The following CACNA1H variants were observed in gnomAD, a reference collection of about 807,000 sequenced individuals.
CACNA1H encodes the protein calcium voltage-gated channel subunit alpha1 H, also known as voltage-dependent T-type calcium channel subunit alpha-1H.
CACNA1H carries 149 observed loss-of-function variants against 192.5 expected under a neutral mutation model. The observed-to-expected ratio is 0.77, with a 90% CI of 0.68 to 0.89. The LOEUF is 0.89. Ranked by LOEUF, CACNA1H falls within the 40% of genes least tolerant of loss-of-function variation. The pLI is 0.00. For missense variants in CACNA1H, 4,257 were observed against 3,423.5 expected (o/e 1.24, Z -6.08); for synonymous variants, 2,202 against 1,475.2 (o/e 1.49, Z -11.29).
chr16:1,166,691 C>T (rs946538460), intron 2 of CACNA1H, among the ~76,000 whole-genome samples: 6 of 152,132 alleles, frequency 3.9e-5, no homozygotes, highest in African/African-American at 9.7e-5. Context: ...TGGGATCCCA[C>T]GTGGTGTGGA....
intron 3 of CACNA1H, 109 bp from the exon 4 acceptor site, chr16:1,195,323 G>A: frequency 7.0e-7 from 1 of 1,423,568 alleles, no homozygotes; most frequent in Non-Finnish European, 9.5e-7. Flanking sequence ...GGCAGGGGCG[G>A]GGCGAGGGGT....
chr16:1,187,222 C>T (rs967729304), intron 2 of CACNA1H, among the ~76,000 whole-genome samples: 16 of 152,344 alleles, frequency 1.1e-4, no homozygotes, highest in African/African-American at 2.2e-4. Flanking sequence ...AGGCGGCCAG[C>T]GCCGCGTGGG....
chr16:1,173,186 A>C (rs2151717035), intron 2 of CACNA1H, among the ~76,000 whole-genome samples: 1 of 152,208 alleles, frequency 6.6e-6, no homozygotes, highest in South Asian at 2.1e-4. Flanking sequence ...GGTGTCCAAA[A>C]GGCCGAGGCT....
In CACNA1H at chr16:1,220,729, T is replaced by G; in HGVS notation, c.6797T>G (p.Phe2266Cys). The G allele has an allele frequency of 6.2e-7, 1 of 1,612,176 alleles. No individual in the cohort carries two copies. The highest frequency in any genetic ancestry group is 8.5e-7 in the Non-Finnish European group (1 of 1,179,646). Residue 2266 changes from phenylalanine to cysteine, a missense_variant, in exon 35 of 35, where the codon TTT becomes TGT. By Grantham distance (205) the Phe-to-Cys change is radical (BLOSUM62 -2). Transcript: ENST00000348261. ...GCTGAGCACCTGACCGTCCCCAGCTTTGCCTTTGAGCCGCTGGACCTCGGG... is the reference window on the plus strand; with the variant it reads ...GCTGAGCACCTGACCGTCCCCAGCTGTGCCTTTGAGCCGCTGGACCTCGGG... ...CRAEHLTVPS[F>C]AFEPLDLGVP...
chr16:1,166,879 G>GC (rs1221766909), intron 2 of CACNA1H, among the ~76,000 whole-genome samples: 3 of 152,200 alleles, frequency 2.0e-5, no homozygotes, highest in African/African-American at 7.2e-5. Context: ...GCGCTGCCGG[G>GC]CCGTCCCTGC....
chr16:1,175,262 T>A (rs1461896665), intron 2 of CACNA1H, among the ~76,000 whole-genome samples: 1 of 152,128 alleles, frequency 6.6e-6, no homozygotes, highest in Non-Finnish European at 1.5e-5. Context: ...TGTGTGTAGG[T>A]GTGCCTACCA....
intron 8 of CACNA1H, 149 bp downstream of exon 8, chr16:1,200,957 G>A: frequency 3.0e-6 from 2 of 675,362 alleles, no homozygotes; most frequent in South Asian, 3.4e-5. Context: ...TGCGGGGGTG[G>A]GGAGGTGTGG....
intron 2 of CACNA1H, among the ~76,000 whole-genome samples, chr16:1,162,767 A>G (rs1963351557): frequency 1.3e-5 from 2 of 152,040 alleles, no homozygotes; most frequent in Middle Eastern, 3.4e-3. Flanking sequence ...TGACGCTGGG[A>G]GGACAGTGTC....
chr16:1,165,778 C>T (rs1009800857), intron 2 of CACNA1H, among the ~76,000 whole-genome samples: 3 of 152,224 alleles, frequency 2.0e-5, no homozygotes, highest in Non-Finnish European at 4.4e-5. Context: ...CTGGCCACCT[C>T]ACGTTCCCCA....
chr16:1,187,238 G>T (rs1966163835), intron 2 of CACNA1H, among the ~76,000 whole-genome samples: 1 of 152,254 alleles, frequency 6.6e-6, no homozygotes, highest in Non-Finnish European at 1.5e-5. Context: ...GTGGGGCCGT[G>T]GGCAGAGCGG....
Position 1,160,782 on chromosome 16 carries a change from G to A in CACNA1H, c.299+6746G>A, listed in dbSNP as rs1056043986. Among the ~76,000 whole-genome samples, 7 of 152,274 alleles carry A rather than the reference G, an allele frequency of 4.6e-5. No individual in the cohort carries two copies. In the East Asian group the frequency reaches 7.7e-4, roughly 17 times the overall value. On this transcript the variant is annotated intron_variant, in intron 2 of 34. Transcript: ENST00000348261. ...TCTTGCTGCCGCCCGGTCGCTTGCCGGGAGCGGGAGCTGTGGGCAGAGAGA... is the reference window on the plus strand; with the variant it reads ...TCTTGCTGCCGCCCGGTCGCTTGCCAGGAGCGGGAGCTGTGGGCAGAGAGA...
chr16:1,199,854 T>TGCCCCTC (rs1967594347), intron 6 of CACNA1H, among the ~76,000 whole-genome samples: 2 of 152,108 alleles, frequency 1.3e-5, no homozygotes, highest in South Asian at 4.1e-4. Flanking sequence ...CCTTGCCCTT[T>TGCCCCTC]GCCCCTCATC....
rs114047035 is a variant in CACNA1H, at chr16:1,206,512, A to G, written c.2789+223A>G. The stretch of plus-strand genomic sequence containing the variant: ...GGGAGTCAGATGGCAGGGGTCAGAG[A>G]TGGGCCGCCAGGTGGACAAGCTGGG... On this transcript the variant is annotated intron_variant, in intron 12 of 34. Coordinates refer to ENST00000348261, the MANE Select transcript of CACNA1H (RefSeq NM_021098.3). 2.8e-3 allele frequency: 1,550 copies of G among 562,716 alleles called. 19 individuals are homozygous for G. The highest frequency in any genetic ancestry group is 0.024 in the African/African-American group (1,292 of 52,894). The allele number at this position is 562,716 out of a possible 1,614,324, so 34.9% of individuals were successfully genotyped here.
At chr16:1,183,743 G>T (rs1375359743) in intron 2 of CACNA1H, among the ~76,000 whole-genome samples, 1 of 152,242 alleles carries the variant, frequency 6.6e-6, no homozygotes, top group Non-Finnish European at 1.5e-5. Context: ...GGCCCTGGGG[G>T]GAGCGTGCAA....
Position 1,200,431 on chromosome 16 carries a change from G to T in CACNA1H, c.979G>T (p.Ala327Ser). The change falls in exon 7 of 35, where the codon GCC (alanine) becomes TCC (serine). Residue 327 changes from alanine to serine, a missense_variant. Ala to Ser is a moderately conservative substitution (Grantham distance 99). Coordinates refer to ENST00000348261, the MANE Select transcript of CACNA1H (RefSeq NM_021098.3). ...CTGGGAGGCCTACACGCAGCCGCAG[G>T]CCGAGGGGGTGGGCGCTGCACGCAA... ...LGWEAYTQPQAEGVGAARNAC... is the reference protein window; with the variant it reads ...LGWEAYTQPQSEGVGAARNAC... 6.2e-7 allele frequency: 1 copy of T among 1,610,434 alleles called. No individual in the cohort carries two copies. The highest frequency in any genetic ancestry group is 8.5e-7 in the Non-Finnish European group (1 of 1,179,458).
chr16:1,215,716 G>A (rs979809422), intron 30 of CACNA1H, 123 bp downstream of exon 30: 6 of 811,016 alleles, frequency 7.4e-6, no homozygotes, highest in Non-Finnish European at 1.2e-5. Flanking sequence ...GGTGGCTGAA[G>A]CTGCGTCCCT....
chr16:1,198,843 T>C, intron 6 of CACNA1H, 69 bp downstream of exon 6: 1 of 1,458,594 alleles, frequency 6.9e-7, no homozygotes, highest in Non-Finnish European at 9.3e-7. Context: ...TAACGCACCA[T>C]GTGGCTCCAC....
chr16:1,188,037 C>T (rs1028296157), intron 2 of CACNA1H, among the ~76,000 whole-genome samples: 12 of 152,314 alleles, frequency 7.9e-5, no homozygotes, highest in African/African-American at 1.7e-4. Flanking sequence ...AACCTGTCAG[C>T]GCCAGAAAGA....
intron 12 of CACNA1H, 182 bp downstream of exon 12, chr16:1,206,471 A>C (rs1365876892): frequency 6.6e-6 from 4 of 608,682 alleles, no homozygotes; most frequent in Non-Finnish European, 1.1e-5. Flanking sequence ...ACTGTGTGCC[A>C]CGTGTTAGAC....
Sources: gnomAD v4.1 joint callset for allele counts (sites outside exome capture counted in the v4.1 genomes callset) on GRCh38, gnomAD v4.1.1 for gene constraint, MANE v1.5 for transcripts, NCBI Gene and HGNC (gene_info 2026-07-23, HGNC 2026-07-21) for gene names.